CTNNA2: variants seen among roughly 807,000 people sequenced by gnomAD.
CTNNA2 encodes catenin alpha 2.
CTNNA2 carries 42 observed loss-of-function variants against 101.0 expected under a neutral mutation model. That is an observed-to-expected ratio of 0.42 (90% confidence interval 0.32 to 0.54). The LOEUF (loss-of-function observed/expected upper bound fraction) is 0.54, where lower values mean the gene tolerates loss of function less well. Ranked by LOEUF, CTNNA2 falls within the 20% of genes least tolerant of loss-of-function variation. The pLI, the probability that CTNNA2 is intolerant of heterozygous loss-of-function variation, is 0.14. For synonymous variants in CTNNA2, 450 were observed against 456.4 expected, an observed-to-expected ratio of 0.99 and a Z score of 0.18; for missense variants, 871 against 1,223.1, an observed-to-expected ratio of 0.71 and a Z score of 4.29.
At chr2:79,984,676 A>G (rs1691636110) in intron 7 of CTNNA2, among the ~76,000 whole-genome samples, 1 of 152,150 alleles carries the variant, frequency 6.6e-6, no homozygotes, top group Admixed American at 6.6e-5. Flanking sequence ...GGGGCACTGT[A>G]CAGAGGAGTG....
rs1692978142 is a variant in CTNNA2 at position 80,555,788 on chromosome 2, C to A, written c.1636C>A (p.Arg546=). Residue 546 remains arginine, a synonymous_variant, in exon 12 of 19, where the codon CGG becomes AGG. Transcript: ENST00000402739. ...LDRTAGAIRG[R]AARVIHIINA... ...CCGGACTGCAGGGGCCATCAGGGGC[C>A]GGGCAGCTCGAGTCATACACATCAT... 1 of 1,599,678 alleles carries A rather than the reference C, an allele frequency of 6.3e-7. No homozygotes were observed. The highest frequency in any genetic ancestry group is 1.3e-5 in the African/African-American group (1 of 74,598).
Position 80,545,940 on chromosome 2 carries a change from C to T in CTNNA2, c.1417C>T (p.Pro473Ser), listed in dbSNP as rs565385881. 4 of 1,613,962 alleles carry T rather than the reference C, an allele frequency of 2.5e-6. No homozygotes were observed. The Admixed American group carries it at 5.0e-5, about 20-fold the overall frequency. ...TGCCGCTCTGACACTGGCTGCCCGG[C>T]CACAGAGCAAAGTTGCTCAGGATAA... ...INAALTLAAR[P>S]QSKVAQDNMD... is the part of the protein sequence containing the mutation. Residue 473 changes from proline (P) to serine (S), a missense_variant, in exon 11 of 19, where the codon CCA becomes TCA. Transcript: ENST00000402739.
intron 13 of CTNNA2, among the ~76,000 whole-genome samples, chr2:80,575,670 G>C (rs1465631157): frequency 6.6e-6 from 1 of 151,982 alleles, no homozygotes; most frequent in African/African-American, 2.4e-5. Context: ...TCCCTCTTTT[G>C]CCATTTTTCT....
At chr2:79,214,688 G>A (rs941860388) in intron 2 of CTNNA2, among the ~76,000 whole-genome samples, 7 of 152,038 alleles carry the variant, frequency 4.6e-5, no homozygotes, top group African/African-American at 1.2e-4. Context: ...AGAGGAAGAC[G>A]CAAAGGAGGC....
chr2:79,700,732 G>A (rs563172161), intron 2 of CTNNA2, among the ~76,000 whole-genome samples: 38 of 152,270 alleles, frequency 2.5e-4, no homozygotes, highest in African/African-American at 8.9e-4. Flanking sequence ...GGTGGGAAAA[G>A]GAAATTTAGG....
chr2:80,314,423 G>A (rs1041896589), intron 7 of CTNNA2, among the ~76,000 whole-genome samples: 1 of 152,214 alleles, frequency 6.6e-6, no homozygotes, highest in Non-Finnish European at 1.5e-5. Context: ...TGGGGCGGAA[G>A]AAGTAGAGAT....
intron 7 of CTNNA2, among the ~76,000 whole-genome samples, chr2:79,980,116 C>G (rs1029836130): frequency 6.6e-6 from 1 of 152,110 alleles, no homozygotes; most frequent in East Asian, 1.9e-4. Context: ...ATTTCTTTTT[C>G]TCATCCTAAT....
intron 7 of CTNNA2, among the ~76,000 whole-genome samples, chr2:80,216,063 G>T (rs553459657): frequency 5.8e-4 from 89 of 152,332 alleles, no homozygotes; most frequent in Middle Eastern, 3.4e-3. Flanking sequence ...CTCCGAGCCA[G>T]GCATGGGATA....
At chr2:80,143,912 A>G (rs1369771226) in intron 7 of CTNNA2, among the ~76,000 whole-genome samples, 1 of 152,164 alleles carries the variant, frequency 6.6e-6, no homozygotes, top group Non-Finnish European at 1.5e-5. Context: ...TTTAAAATAT[A>G]TCTGCAGGGG....
chr2:79,343,255 A>T (rs977964506), intron 3 of CTNNA2, among the ~76,000 whole-genome samples: 4 of 152,220 alleles, frequency 2.6e-5, no homozygotes, highest in African/African-American at 9.6e-5. Flanking sequence ...ATGAAGAAAA[A>T]TTGGGTATAT....
At chr2:79,527,124 C>T (rs914813955) in intron 1 of CTNNA2, among the ~76,000 whole-genome samples, 1 of 152,032 alleles carries the variant, frequency 6.6e-6, no homozygotes, top group East Asian at 1.9e-4. Context: ...ATCTATTCTT[C>T]CAAATTTATA....
At chr2:80,446,325 G>A (rs1258075049) in intron 9 of CTNNA2, among the ~76,000 whole-genome samples, 2 of 152,114 alleles carry the variant, frequency 1.3e-5, no homozygotes, top group East Asian at 1.9e-4. Flanking sequence ...ATCCAGATGA[G>A]TATGATGCAA....
At chr2:80,390,425 G>T (rs1372565336) in intron 7 of CTNNA2, among the ~76,000 whole-genome samples, 1 of 152,154 alleles carries the variant, frequency 6.6e-6, no homozygotes, top group African/African-American at 2.4e-5. Flanking sequence ...TCACATCTAA[G>T]GGATGTGTGT....
chr2:80,290,475 G>A lies in CTNNA2; in HGVS notation c.1057-102736G>A, dbSNP rs558000271. Among the ~76,000 whole-genome samples the A allele has an allele frequency of 5.1e-4, 78 of 151,974 alleles. 1 individual carries two copies. Among genetic ancestry groups the A allele is most frequent in the South Asian group, 1.0e-3 (5 of 4,818 alleles). On this transcript the variant is annotated intron_variant, in intron 7 of 18. Transcript: ENST00000402739. ...ACCTCACCATGGTGAGGTTGGTGAG[G>A]CTCCCGTGATGCTTTTACTTTTTGC...
intron 12 of CTNNA2, among the ~76,000 whole-genome samples, chr2:80,565,412 G>T (rs1198743960): frequency 1.3e-5 from 2 of 152,110 alleles, no homozygotes; most frequent in East Asian, 3.9e-4. Context: ...CTGCTGAGGG[G>T]AGAGAAGGGC....
chr2:80,640,001 C>T (rs1236782535), intron 18 of CTNNA2, among the ~76,000 whole-genome samples: 1 of 151,880 alleles, frequency 6.6e-6, no homozygotes, highest in African/African-American at 2.4e-5. Context: ...ACTCAGGAGG[C>T]TGAGGTAGGA....
chr2:79,188,241 A>T lies in CTNNA2; in HGVS notation c.-524+2810A>T, dbSNP rs1417530246. ...CTAGACTAGATAAAATAGAGTAGAA[A>T]AGCAAACTTTGTTCCTCACCCCAGT... On this transcript the variant is annotated intron_variant, in intron 1 of 21. Coordinates refer to the CTNNA2 transcript ENST00000466387. 2.0e-5 allele frequency among the ~76,000 whole-genome samples: 3 copies of T among 152,174 alleles called. No individual in the cohort carries two copies. In the East Asian group the frequency reaches 5.8e-4, roughly 29 times the overall value.
At chr2:79,334,209 T>C (rs1436202582) in intron 3 of CTNNA2, among the ~76,000 whole-genome samples, 1 of 152,198 alleles carries the variant, frequency 6.6e-6, no homozygotes, top group Non-Finnish European at 1.5e-5. Flanking sequence ...CTTTTGTATC[T>C]GCCATTCAAC....
intron 9 of CTNNA2, among the ~76,000 whole-genome samples, chr2:80,538,322 T>C: frequency 6.6e-6 from 1 of 152,224 alleles, no homozygotes; most frequent in East Asian, 1.9e-4. Context: ...TGAATGGTAT[T>C]GCCTAGGTTT....
Sources: gnomAD v4.1 joint callset for allele counts (sites outside exome capture counted in the v4.1 genomes callset) on GRCh38, gnomAD v4.1.1 for gene constraint, MANE v1.5 for transcripts, NCBI Gene and HGNC (gene_info 2026-07-23, HGNC 2026-07-21) for gene names.